BANP: variants seen among roughly 807,000 people sequenced by gnomAD.
BANP encodes protein BANP.
In BANP, 11 loss-of-function variants were observed where a neutral mutation model predicts 68.1. The observed-to-expected ratio is 0.16, with a 90% confidence interval of 0.10 to 0.27. The LOEUF (loss-of-function observed/expected upper bound fraction) is 0.27. BANP is among the 10% of genes least tolerant of loss of function. BANP has a pLI of 1.00. For synonymous variants in BANP, 329 were observed against 303.2 expected, an observed-to-expected ratio of 1.09 and a Z score of -0.88; for missense variants, 504 against 722.7, an observed-to-expected ratio of 0.70 and a Z score of 3.47.
At chr16:88,053,121 C>T (rs2083706835) in intron 11 of BANP, among the ~76,000 whole-genome samples, 1 of 152,216 alleles carries the variant, frequency 6.6e-6, no homozygotes. Flanking sequence ...CCACCTCCAC[C>T]ACTGTCATCT....
chr16:88,036,690 G>T lies in BANP; in HGVS notation c.1273-1283G>T, dbSNP rs1485602314. Among the ~76,000 whole-genome samples the T allele has an allele frequency of 6.6e-6, 1 of 152,150 alleles. No homozygotes were observed. Among genetic ancestry groups the T allele is most frequent in the Non-Finnish European group, 1.5e-5 (1 of 68,028 alleles). On this transcript the variant is annotated intron_variant, in intron 10 of 13. Transcript: ENST00000682872. The surrounding 1 kb of genome is among the most constrained non-coding windows in gnomAD (Gnocchi z 4.2). Reference sequence around the variant, plus strand: ...GCCGTGAGCGACTGGGAATGAGTGGGCTCATCCACACAGCGACATGACCAG... The same window carrying T: ...GCCGTGAGCGACTGGGAATGAGTGGTCTCATCCACACAGCGACATGACCAG...
intron 4 of BANP, among the ~76,000 whole-genome samples, chr16:87,998,219 G>A (rs1214897996): frequency 6.6e-6 from 1 of 152,306 alleles, no homozygotes; most frequent in East Asian, 1.9e-4. Flanking sequence ...CCTGTACAGG[G>A]GAAGGCCACA....
chr16:88,008,147 C>T (rs2071815989), intron 6 of BANP, among the ~76,000 whole-genome samples: 1 of 152,148 alleles, frequency 6.6e-6, no homozygotes. Flanking sequence ...TAGCTTTTGC[C>T]CAGTGCTTTG....
At position 88,015,207 on chromosome 16, in the gene BANP, TCCCTCTGCTTGTG is replaced by T. The variant is rs1462105791; in HGVS notation, c.656-3212_656-3200del. ...CCTCTGCCCGTGCTCCTTCTGCCCA[TCCCTCTGCTTGTG>T]CCCTCTGCCTGTGCCCCTTCAGCTC... On this transcript the variant is annotated intron_variant, in intron 6 of 13. Coordinates refer to ENST00000682872, the MANE Select transcript of BANP (RefSeq NM_001386991.1). 2.2e-5 allele frequency among the ~76,000 whole-genome samples: 3 copies of T among 136,200 alleles called. No homozygotes were observed. The South Asian group carries it at 7.5e-4, about 34-fold the overall frequency. 89.4% of individuals were successfully genotyped at this position (136,200 alleles called of 152,430 possible). A position where few individuals can be genotyped will look rare whatever the true frequency, so the allele number is the denominator to read the frequency against.
intron 11 of BANP, among the ~76,000 whole-genome samples, chr16:88,059,266 A>AT: frequency 6.7e-6 from 1 of 148,776 alleles, no homozygotes; most frequent in Non-Finnish European, 1.5e-5. Context: ...GGGCGGGCGG[A>AT]GGTGTGTGAA....
At chr16:88,068,325 G>A (rs893704133) in intron 12 of BANP, among the ~76,000 whole-genome samples, 11 of 152,370 alleles carry the variant, frequency 7.2e-5, no homozygotes, top group Middle Eastern at 3.4e-3. Flanking sequence ...CTGTGCTGTC[G>A]TGGAGTGCAG....
chr16:87,958,738 G>T (rs74251070), intron 1 of BANP, among the ~76,000 whole-genome samples: 2 of 152,308 alleles, frequency 1.3e-5, no homozygotes, highest in Non-Finnish European at 2.9e-5. Context: ...CCGTTAAGCC[G>T]CTTGCTTAGG....
chr16:88,038,833 G>A (rs188252025), intron 11 of BANP, among the ~76,000 whole-genome samples: 41 of 152,276 alleles, frequency 2.7e-4, no homozygotes, highest in African/African-American at 9.1e-4. Flanking sequence ...GAAGAATCTG[G>A]GTGATCTTCC....
At chr16:88,005,944 A>G (rs2070939409) in intron 5 of BANP, 146 bp from the exon 6 acceptor site, 1 of 879,358 alleles carries the variant, frequency 1.1e-6, no homozygotes, top group South Asian at 1.6e-5. Flanking sequence ...AGTTTCTATT[A>G]ATCTTGGTAG....
At chr16:87,982,933 G>A (rs2063556639) in intron 3 of BANP, among the ~76,000 whole-genome samples, 1 of 152,230 alleles carries the variant, frequency 6.6e-6, no homozygotes, top group Admixed American at 6.5e-5. Flanking sequence ...CAGTTATTGG[G>A]AAAGCCGTTC....
chr16:87,992,385 C>G (rs769118021), intron 4 of BANP, among the ~76,000 whole-genome samples: 1 of 152,052 alleles, frequency 6.6e-6, no homozygotes, highest in East Asian at 1.9e-4. Flanking sequence ...GAGGCTGCCC[C>G]TTATTGTCTA....
At position 88,006,087 on chromosome 16, in the gene BANP, T is replaced by A; in HGVS notation, c.480-3T>A. On this transcript the variant is annotated splice_polypyrimidine_tract_variant and splice_region_variant and intron_variant, in intron 5 of 13. Coordinates refer to ENST00000682872, the MANE Select transcript of BANP (RefSeq NM_001386991.1). ...GGGCTGGTGTGTTTTTTTTCCCGTTTAGCGCTGTGCCTGGGCGTCGGCAGA... is the reference window on the plus strand; with the variant it reads ...GGGCTGGTGTGTTTTTTTTCCCGTTAAGCGCTGTGCCTGGGCGTCGGCAGA... 1 of 1,613,792 alleles carries A rather than the reference T, an allele frequency of 6.2e-7. No homozygotes were observed. The highest frequency in any genetic ancestry group is 1.1e-5 in the South Asian group (1 of 91,062).
chr16:87,972,026 C>T (rs114689455), intron 1 of BANP, among the ~76,000 whole-genome samples: 101 of 152,298 alleles, frequency 6.6e-4, no homozygotes, highest in African/African-American at 2.4e-3. Flanking sequence ...CTATCAACCT[C>T]AAATGGTCCT....
chr16:88,025,887 T>C (rs1289717277), intron 7 of BANP, among the ~76,000 whole-genome samples: 3 of 152,182 alleles, frequency 2.0e-5, no homozygotes, highest in African/African-American at 7.2e-5. Context: ...ATCCATGTAT[T>C]TTCCTGTAAA....
intron 1 of BANP, among the ~76,000 whole-genome samples, chr16:87,954,406 T>C (rs2057625904): frequency 6.6e-6 from 1 of 152,244 alleles, no homozygotes; most frequent in African/African-American, 2.4e-5. Flanking sequence ...AGTGTTGGCT[T>C]CTTCCTCTTT....
At chr16:87,962,540 C>T (rs1304350666) in intron 1 of BANP, among the ~76,000 whole-genome samples, 5 of 152,258 alleles carry the variant, frequency 3.3e-5, no homozygotes, top group South Asian at 2.1e-4. Context: ...AGAGCCTAGA[C>T]GCTTCTTAAG....
intron 1 of BANP, among the ~76,000 whole-genome samples, chr16:87,969,754 G>GA (rs2060777245): frequency 6.6e-6 from 1 of 151,858 alleles, no homozygotes; most frequent in Non-Finnish European, 1.5e-5. Flanking sequence ...GGCTGGTCTC[G>GA]AACACCTGAC....
In BANP at chr16:87,975,378, C is replaced by T. The variant is rs1396705464; in HGVS notation, c.70+193C>T. Among the ~76,000 whole-genome samples the T allele has an allele frequency of 2.0e-5, 3 of 152,356 alleles. No homozygotes were observed. In the East Asian group the frequency reaches 5.8e-4, roughly 29 times the overall value. On this transcript the variant is annotated intron_variant, in intron 2 of 13. Coordinates refer to ENST00000682872, the MANE Select transcript of BANP (RefSeq NM_001386991.1). ...CGCCCCTGCAGCCTCAGCCCCACGT[C>T]CCTTCTGGAGGGGGCCCCTGTGACA...
At chr16:88,073,320 G>A (rs961372732) in intron 13 of BANP, among the ~76,000 whole-genome samples, 13 of 152,192 alleles carry the variant, frequency 8.5e-5, no homozygotes, top group Non-Finnish European at 1.2e-4. Flanking sequence ...TTAAGGACCC[G>A]TGTCCTGTAG....
Sources: allele counts gnomAD v4.1 joint callset (sites outside exome capture counted in the v4.1 genomes callset), GRCh38; gene constraint gnomAD v4.1.1; non-coding constraint Gnocchi (gnomAD v3.1); transcripts MANE v1.5; gene names NCBI Gene and HGNC (gene_info 2026-07-23, HGNC 2026-07-21).